The following TIMM17A variants were observed in gnomAD, a reference collection of about 807,000 sequenced individuals.
The protein encoded by TIMM17A is mitochondrial import inner membrane translocase subunit Tim17-A.
A neutral mutation model predicts 26.5 loss-of-function variants in TIMM17A; 15 were observed. The ratio of observed to expected loss-of-function variants is 0.57; its 90% CI spans 0.38 to 0.87. The LOEUF is 0.87. TIMM17A is among the 40% of genes least tolerant of loss of function. The pLI, the probability that TIMM17A is intolerant of heterozygous loss-of-function variation, is 0.00. For missense variants in TIMM17A, 201 were observed against 210.0 expected (o/e 0.96, Z 0.27); for synonymous variants, 80 against 70.8 (o/e 1.13, Z -0.66).
chr1:201,964,027 G>T (rs533303696), intron 4 of TIMM17A, among the ~76,000 whole-genome samples: 1 of 152,168 alleles, frequency 6.6e-6, no homozygotes, highest in South Asian at 2.1e-4. Context: ...GCCGAGGCAG[G>T]AGGATCACTT....
chr1:201,967,013 GTGTA>G lies in TIMM17A; in HGVS notation c.430+1472_430+1475del, dbSNP rs1019756342. 1.3e-4 allele frequency among the ~76,000 whole-genome samples: 18 copies of G among 138,756 alleles called. No individual in the cohort carries two copies. In the East Asian group the frequency reaches 2.6e-3, roughly 20 times the overall value. The allele number at this position is 138,756 out of a possible 152,430, so 91.0% of individuals were successfully genotyped here. A position where few individuals can be genotyped will look rare whatever the true frequency, so the allele number is the denominator to read the frequency against. ...ATGTTGTGTGTGTGTGTGTGTGTGT[GTGTA>G]TATATATATAGTGAGGATAGTAGTA... is the stretch of plus-strand genomic sequence containing the variant. On this transcript the variant is annotated intron_variant, in intron 5 of 5. Transcript: ENST00000367287.
At chr1:201,957,800 A>ATTTTT in intron 3 of TIMM17A, 2 of 317,088 alleles carry the variant, frequency 6.3e-6, no homozygotes, top group Non-Finnish European at 1.1e-5. Flanking sequence ...ACACTCGGTG[A>ATTTTT]TTTTTTTTTT....
intron 5 of TIMM17A, among the ~76,000 whole-genome samples, chr1:201,968,237 G>A (rs1018079049): frequency 1.1e-4 from 16 of 151,378 alleles, no homozygotes; most frequent in African/African-American, 3.4e-4. Flanking sequence ...TCCTGACCTC[G>A]TGATCCGCCC....
At chr1:201,965,382 A>G (rs1682609910) in intron 4 of TIMM17A, 51 bp from the exon 5 acceptor site, 2 of 1,284,042 alleles carry the variant, frequency 1.6e-6, no homozygotes, top group South Asian at 1.2e-5. Flanking sequence ...TATCTCTTAC[A>G]GTAAACTAGA....
chr1:201,961,854 T>C (rs570671811), intron 3 of TIMM17A, among the ~76,000 whole-genome samples: 1 of 152,176 alleles, frequency 6.6e-6, no homozygotes, highest in Non-Finnish European at 1.5e-5. Context: ...CTTAACCTGC[T>C]TGGGCTATGG....
chr1:201,958,436 C>T (rs1456471419), intron 3 of TIMM17A, among the ~76,000 whole-genome samples: 1 of 152,282 alleles, frequency 6.6e-6, no homozygotes, highest in Non-Finnish European at 1.5e-5. Flanking sequence ...GGCGCAATGG[C>T]TCACGCCAAT....
In TIMM17A at chr1:201,965,468, G is replaced by T; in HGVS notation, c.355G>T (p.Gly119Cys). The change falls in exon 5 of 6, where the codon GGT becomes TGT. Residue 119 changes from glycine to cysteine, a missense_variant. Coordinates refer to ENST00000367287, the MANE Select transcript of TIMM17A (RefSeq NM_006335.3). ...GGCCATGGTTGGGTCAGCCGCAATG[G>T]GTGGCATTCTCCTAGCTTTAATTGA... ...PVAMVGSAAM[G>C]GILLALIEGA... 1.2e-6 allele frequency: 2 copies of T among 1,614,092 alleles called. No individual in the cohort carries two copies. The highest frequency in any genetic ancestry group is 1.3e-5 in the African/African-American group (1 of 75,050).
Position 201,969,656 on chromosome 1 carries a change from T to C in TIMM17A, c.*102T>C. 1 of 952,500 alleles carries C rather than the reference T, an allele frequency of 1.0e-6. No homozygotes were observed. 59.0% of individuals were successfully genotyped at this position (952,500 alleles called of 1,614,324 possible). ...TTTTTAAAACCATAGGTGGGACAGC[T>C]ATGGCCAATAGGCTATAAAGAGACA... On this transcript the variant is annotated 3_prime_UTR_variant, in exon 6 of 6. Transcript: ENST00000367287.
intron 4 of TIMM17A, among the ~76,000 whole-genome samples, chr1:201,965,067 T>A (rs1682605233): frequency 6.6e-6 from 1 of 152,058 alleles, no homozygotes; most frequent in Non-Finnish European, 1.5e-5. Flanking sequence ...TTCTCCTGCC[T>A]CAGCCTCCTG....
At chr1:201,965,333 G>T (rs1682609248) in intron 4 of TIMM17A, 100 bp from the exon 5 acceptor site, 3 of 807,110 alleles carry the variant, frequency 3.7e-6, no homozygotes, top group Non-Finnish European at 6.2e-6. Flanking sequence ...TTTGGGAGTT[G>T]GGGGAGCATG....
intron 3 of TIMM17A, 78 bp downstream of exon 3, chr1:201,957,652 C>T: frequency 1.6e-6 from 2 of 1,221,502 alleles, no homozygotes; most frequent in Non-Finnish European, 2.4e-6. Context: ...TTTTAGATTA[C>T]AACAATTAGT....
chr1:201,963,511 A>T (rs1571605737), intron 3 of TIMM17A, 105 bp from the exon 4 acceptor site: 1 of 1,156,710 alleles, frequency 8.6e-7, no homozygotes, highest in African/African-American at 1.6e-5. Flanking sequence ...ATTTGTTTGG[A>T]CTATAAATTT....
At chr1:201,960,348 C>T (rs776573623) in intron 3 of TIMM17A, among the ~76,000 whole-genome samples, 2 of 151,516 alleles carry the variant, frequency 1.3e-5, no homozygotes, top group African/African-American at 4.9e-5. Flanking sequence ...TGTAGTGAGC[C>T]GAGATTGTGC....
chr1:201,961,600 C>A (rs1424148482), intron 3 of TIMM17A, among the ~76,000 whole-genome samples: 1 of 152,014 alleles, frequency 6.6e-6, no homozygotes, highest in African/African-American at 2.4e-5. Flanking sequence ...ACCTGTAATC[C>A]CAGCACTTTG....
chr1:201,966,991 T>TTTTGTGTGTGTGTGTGTG (rs572223784), intron 5 of TIMM17A, among the ~76,000 whole-genome samples: 1 of 133,100 alleles, frequency 7.5e-6, no homozygotes, highest in Non-Finnish European at 1.6e-5. Context: ...ATTATATATG[T>TTTTGTGTGTGTGTGTGTG]TGTGTGTGTG....
At chr1:201,956,410 C>T (rs1193720797) in intron 1 of TIMM17A, among the ~76,000 whole-genome samples, 2 of 152,126 alleles carry the variant, frequency 1.3e-5, no homozygotes, top group Non-Finnish European at 2.9e-5. Context: ...TGTGAAAGTG[C>T]CCAGGACCTT....
chr1:201,964,659 T>A (rs1010692820), intron 4 of TIMM17A, among the ~76,000 whole-genome samples: 2,127 of 135,016 alleles, frequency 0.016, 32 homozygotes, highest in Non-Finnish European at 0.025. Flanking sequence ...TTTTTTTTTT[T>A]TTTTTTTGAG....
At chr1:201,961,535 A>G (rs1682531381) in intron 3 of TIMM17A, among the ~76,000 whole-genome samples, 1 of 152,064 alleles carries the variant, frequency 6.6e-6, no homozygotes, top group African/African-American at 2.4e-5. Flanking sequence ...TTCTCCAAAG[A>G]GCCCCAGTTC....
intron 3 of TIMM17A, among the ~76,000 whole-genome samples, chr1:201,959,030 T>C (rs561889605): frequency 6.6e-6 from 1 of 152,238 alleles, no homozygotes; most frequent in African/African-American, 2.4e-5. Flanking sequence ...GAATGATGAG[T>C]GGTATTAAAA....
Sources: gnomAD v4.1 joint callset for allele counts (sites outside exome capture counted in the v4.1 genomes callset) on GRCh38, gnomAD v4.1.1 for gene constraint, MANE v1.5 for transcripts, NCBI Gene and HGNC (gene_info 2026-07-23, HGNC 2026-07-21) for gene names.